The following CAMKMT variants were observed in gnomAD, a reference collection of about 807,000 sequenced individuals.
CAMKMT encodes CaM KMT.
A neutral mutation model predicts 48.0 loss-of-function variants in CAMKMT; 53 were observed. The ratio of observed to expected loss-of-function variants is 1.10; its 90% CI spans 0.89 to 1.39. The LOEUF (loss-of-function observed/expected upper bound fraction) is 1.39. CAMKMT is among the 40% of genes most tolerant of loss of function. The pLI is 0.00. For missense variants in CAMKMT, 428 were observed against 402.7 expected (o/e 1.06, Z -0.54); for synonymous variants, 165 against 152.3 (o/e 1.08, Z -0.61).
chr2:44,542,523 ACACACACACACACACT>A (rs1265900589), intron 3 of CAMKMT, among the ~76,000 whole-genome samples: 31 of 102,304 alleles, frequency 3.0e-4, no homozygotes, highest in Admixed American at 7.2e-4. Context: ...ACACACACAC[ACACACACACACACACT>A]CTCTCTCTCT....
chr2:44,708,109 C>A (rs968158463), intron 6 of CAMKMT, among the ~76,000 whole-genome samples: 2 of 150,460 alleles, frequency 1.3e-5, no homozygotes, highest in Admixed American at 6.6e-5. Context: ...ACTAAGAAAG[C>A]AAGCATAAAT....
At chr2:44,684,737 C>T (rs1014153643) in intron 3 of CAMKMT, among the ~76,000 whole-genome samples, 5 of 152,098 alleles carry the variant, frequency 3.3e-5, no homozygotes, top group Non-Finnish European at 7.4e-5. Context: ...TAAGCATGCA[C>T]CTTTCAGGCC....
chr2:44,363,794 A>G (rs182618103), intron 1 of CAMKMT, among the ~76,000 whole-genome samples: 25 of 150,402 alleles, frequency 1.7e-4, no homozygotes, highest in South Asian at 8.4e-4. Flanking sequence ...GGTTCAAGCA[A>G]TTCTCCCGTA....
chr2:44,538,590 G>T (rs1163201057), intron 3 of CAMKMT, among the ~76,000 whole-genome samples: 1 of 152,058 alleles, frequency 6.6e-6, no homozygotes, highest in Middle Eastern at 3.2e-3. Context: ...CAAAGATACA[G>T]AGTGATATAA....
chr2:44,597,521 T>G (rs1670734024), intron 3 of CAMKMT, among the ~76,000 whole-genome samples: 1 of 152,206 alleles, frequency 6.6e-6, no homozygotes, highest in Non-Finnish European at 1.5e-5. Context: ...GTATGCATAT[T>G]ATAATCCCTT....
chr2:44,602,580 C>T (rs1671059668), intron 3 of CAMKMT, among the ~76,000 whole-genome samples: 1 of 151,998 alleles, frequency 6.6e-6, no homozygotes, highest in East Asian at 1.9e-4. Context: ...ATTTAATTGA[C>T]TCACAGTTCC....
In CAMKMT at chr2:44,483,916, A is replaced by T. The variant is rs1274589073; in HGVS notation, c.376+93611A>T. ...AGTTGTCACAAAAATATATTTCTAGAGAAGTCTGAATAATTGACTCTTTAA... is the reference window on the plus strand; with the variant it reads ...AGTTGTCACAAAAATATATTTCTAGTGAAGTCTGAATAATTGACTCTTTAA... On this transcript the variant is annotated intron_variant, in intron 3 of 10. Transcript: ENST00000378494. Among the ~76,000 whole-genome samples, 3 of 152,174 alleles carry T rather than the reference A, an allele frequency of 2.0e-5. No homozygotes were observed. In the East Asian group the frequency reaches 5.8e-4, roughly 29 times the overall value.
intron 3 of CAMKMT, among the ~76,000 whole-genome samples, chr2:44,501,064 G>T (rs887456251): frequency 5.8e-4 from 83 of 143,498 alleles, no homozygotes; most frequent in Middle Eastern, 3.6e-3. Context: ...ATATATTTTG[G>T]TTTTTTTTTT....
intron 3 of CAMKMT, chr2:44,456,468 GT>G: frequency 7.1e-7 from 1 of 1,406,464 alleles, no homozygotes; most frequent in African/African-American, 1.4e-5. Context: ...ATATAAATAT[GT>G]ACATTCTTGT....
chr2:44,512,905 G>A (rs970954516), intron 3 of CAMKMT, among the ~76,000 whole-genome samples: 1 of 152,058 alleles, frequency 6.6e-6, no homozygotes, highest in Non-Finnish European at 1.5e-5. Context: ...ATGATATGAT[G>A]TATGCTGTCC....
intron 3 of CAMKMT, among the ~76,000 whole-genome samples, chr2:44,557,019 A>C (rs1668052188): frequency 6.6e-6 from 1 of 152,188 alleles, no homozygotes; most frequent in South Asian, 2.1e-4. Flanking sequence ...AGCATGCAAA[A>C]GTTTTATCTT....
intron 8 of CAMKMT, among the ~76,000 whole-genome samples, chr2:44,750,493 T>C (rs76929705): frequency 6.6e-6 from 1 of 152,220 alleles, no homozygotes; most frequent in Non-Finnish European, 1.5e-5. Context: ...TCGTTGTCAA[T>C]TTTTATTAAG....
chr2:44,404,916 T>C (rs1306762723), intron 3 of CAMKMT, among the ~76,000 whole-genome samples: 1 of 152,122 alleles, frequency 6.6e-6, no homozygotes, highest in Non-Finnish European at 1.5e-5. Context: ...ATATAAATGC[T>C]GGTGGTTACT....
At chr2:44,522,979 C>T (rs1202933769) in intron 3 of CAMKMT, among the ~76,000 whole-genome samples, 2 of 152,116 alleles carry the variant, frequency 1.3e-5, no homozygotes, top group African/African-American at 2.4e-5. Context: ...GATCTTCTTT[C>T]TCCTAAGTTC....
intron 3 of CAMKMT, among the ~76,000 whole-genome samples, chr2:44,521,683 G>C (rs1358153395): frequency 6.6e-6 from 1 of 152,156 alleles, no homozygotes; most frequent in Non-Finnish European, 1.5e-5. Context: ...TTTGAATGTA[G>C]TAATCTCCCT....
At chr2:44,701,585 T>C (rs1677264874) in intron 3 of CAMKMT, among the ~76,000 whole-genome samples, 1 of 152,086 alleles carries the variant, frequency 6.6e-6, no homozygotes, top group African/African-American at 2.4e-5. Flanking sequence ...AAACCATAGG[T>C]TGGGAAAAGA....
At chr2:44,587,567 A>G (rs554664174) in intron 3 of CAMKMT, among the ~76,000 whole-genome samples, 1 of 132,286 alleles carries the variant, frequency 7.6e-6, no homozygotes, top group Non-Finnish European at 1.6e-5. Flanking sequence ...GCTCACTGCA[A>G]CCTCCCTGCC....
intron 3 of CAMKMT, among the ~76,000 whole-genome samples, chr2:44,563,912 T>A (rs1487685759): frequency 1.3e-5 from 2 of 152,192 alleles, no homozygotes; most frequent in Non-Finnish European, 2.9e-5. Context: ...TCTTTGCTAT[T>A]GTGAATAGTG....
At chr2:44,456,502 T>C in intron 3 of CAMKMT, 3 of 1,531,282 alleles carry the variant, frequency 2.0e-6, no homozygotes, top group Non-Finnish European at 2.6e-6. Flanking sequence ...AAAAAGACCT[T>C]GGAATGAAAA....
Sources: allele counts gnomAD v4.1 joint callset (sites outside exome capture counted in the v4.1 genomes callset), GRCh38; gene constraint gnomAD v4.1.1; transcripts MANE v1.5; gene names NCBI Gene and HGNC (gene_info 2026-07-23, HGNC 2026-07-21).